Variants in PRELID2 observed in about 807,000 individuals in gnomAD.
PRELID2 encodes PRELI domain containing 2.
A neutral mutation model predicts 28.4 loss-of-function variants in PRELID2; 25 were observed. The ratio of observed to expected loss-of-function variants is 0.88; its 90% confidence interval spans 0.64 to 1.23. PRELID2 has a LOEUF of 1.23. Ranked by LOEUF, PRELID2 falls within the 50% of genes most tolerant of loss-of-function variation. The probability of loss-of-function intolerance (pLI) is 0.00; values close to 1 mark genes in which losing one functional copy is unlikely to be tolerated. For missense variants in PRELID2, 201 were observed against 214.4 expected (o/e 0.94, Z 0.39); for synonymous variants, 76 against 71.6 (o/e 1.06, Z -0.31).
At chr5:145,559,982 T>C (rs931064251) in intron 1 of PRELID2, among the ~76,000 whole-genome samples, 4 of 152,298 alleles carry the variant, frequency 2.6e-5, no homozygotes, top group Admixed American at 6.5e-5. Flanking sequence ...ATTTAATACA[T>C]TTAACCTACC....
At position 145,819,539 on chromosome 5, in the gene PRELID2, T is replaced by C. The variant is rs1358876013; in HGVS notation, c.207+406A>G. 4.2e-5 allele frequency: 26 copies of C among 619,768 alleles called. No individual in the cohort carries two copies. The South Asian group carries it at 4.9e-4, about 12-fold the overall frequency. The allele number at this position is 619,768 out of a possible 1,614,324, so 38.4% of individuals were successfully genotyped here. ...CTTATACTCTGGGAAATAACTGTTA[T>C]CTCTGATAGTGAATTAGAAACTGAA... On this transcript the variant is annotated intron_variant, in intron 3 of 6. Transcript: ENST00000683046.
the PRELID2 span, among the ~76,000 whole-genome samples, chr5:145,401,646 G>A: frequency 2.0e-5 from 3 of 152,076 alleles, no homozygotes; most frequent in East Asian, 5.8e-4. Flanking sequence ...TCCACCTCCT[G>A]CTCAGCCCAT....
chr5:145,800,301 T>C (rs369953756), intron 4 of PRELID2, among the ~76,000 whole-genome samples: 14 of 138,554 alleles, frequency 1.0e-4, no homozygotes, highest in South Asian at 2.5e-4. Flanking sequence ...CCCCTTCTCT[T>C]ACACACACAC....
the PRELID2 span, among the ~76,000 whole-genome samples, chr5:145,312,464 A>C: frequency 2.0e-5 from 3 of 152,216 alleles, no homozygotes; most frequent in African/African-American, 7.2e-5. Flanking sequence ...CTCCTATTGA[A>C]GTGAAACTTT....
At chr5:145,389,914 C>T in the PRELID2 span, among the ~76,000 whole-genome samples, 1 of 152,128 alleles carries the variant, frequency 6.6e-6, no homozygotes, top group African/African-American at 2.4e-5. Flanking sequence ...CCCAAGTAAA[C>T]AATGCTAGTA....
chr5:145,601,218 T>C (rs1753391325), intron 1 of PRELID2, among the ~76,000 whole-genome samples: 1 of 151,798 alleles, frequency 6.6e-6, no homozygotes. Context: ...ATAATGAAAA[T>C]ATAATTGTGA....
chr5:145,447,149 T>C, the PRELID2 span, among the ~76,000 whole-genome samples: 1 of 151,814 alleles, frequency 6.6e-6, no homozygotes, highest in African/African-American at 2.4e-5. Context: ...ACAGTTAATT[T>C]CAGATGCTTG....
the PRELID2 span, among the ~76,000 whole-genome samples, chr5:145,238,549 T>C: frequency 7.2e-4 from 109 of 152,272 alleles, no homozygotes; most frequent in African/African-American, 2.4e-3. Context: ...CTATGCCAGA[T>C]ATGTACTAAG....
At chr5:145,351,139 G>A in the PRELID2 span, among the ~76,000 whole-genome samples, 3 of 152,180 alleles carry the variant, frequency 2.0e-5, no homozygotes, top group African/African-American at 7.2e-5. Context: ...AAATGGCAGA[G>A]ATGGGATTCA....
chr5:145,605,030 G>T (rs1298004939), intron 1 of PRELID2, among the ~76,000 whole-genome samples: 5 of 149,900 alleles, frequency 3.3e-5, no homozygotes, highest in Non-Finnish European at 7.4e-5. Flanking sequence ...TTTGGTTTTT[G>T]CTTGTTAATT....
At chr5:145,732,200 C>T (rs1756366123) in intron 1 of PRELID2, among the ~76,000 whole-genome samples, 1 of 152,140 alleles carries the variant, frequency 6.6e-6, no homozygotes, top group African/African-American at 2.4e-5. Flanking sequence ...ATTTTGCAGT[C>T]CTTTATCTTG....
chr5:145,420,044 T>C, the PRELID2 span, among the ~76,000 whole-genome samples: 2 of 151,992 alleles, frequency 1.3e-5, no homozygotes, highest in Admixed American at 6.6e-5. Context: ...TAGTTGTAGA[T>C]ATGCGGCATT....
rs1265574987 is a variant in PRELID2, at chr5:145,817,220, A to AT, written c.368+673_368+674insA. Among the ~76,000 whole-genome samples, 281 of 66,500 alleles carry AT rather than the reference A, an allele frequency of 4.2e-3. 19 individuals carry two copies. Among genetic ancestry groups the AT allele is most frequent in the Middle Eastern group, 0.013 (1 of 76 alleles). 43.6% of individuals were successfully genotyped at this position (66,500 alleles called of 152,430 possible). A position where few individuals can be genotyped will look rare whatever the true frequency, so the allele number is the denominator to read the frequency against. The stretch of plus-strand genomic sequence containing the variant: ...AAAAATAAATAAATAAATAAAAAAA[A>AT]ATATATATATATATATACTTTAGAT... On this transcript the variant is annotated intron_variant, in intron 4 of 6. Coordinates refer to ENST00000683046, the MANE Select transcript of PRELID2 (RefSeq NM_205846.3).
At chr5:145,801,141 T>C (rs1251743312) in intron 4 of PRELID2, among the ~76,000 whole-genome samples, 1 of 152,196 alleles carries the variant, frequency 6.6e-6, no homozygotes, top group African/African-American at 2.4e-5. Flanking sequence ...CAATATGTAT[T>C]CCTTTGGCCA....
intron 1 of PRELID2, among the ~76,000 whole-genome samples, chr5:145,688,859 C>T (rs1205355316): frequency 6.6e-6 from 1 of 152,170 alleles, no homozygotes; most frequent in African/African-American, 2.4e-5. Flanking sequence ...GATCTTCAGG[C>T]TTCATTGGAA....
chr5:145,391,531 AG>A, the PRELID2 span, among the ~76,000 whole-genome samples: 1 of 152,118 alleles, frequency 6.6e-6, no homozygotes, highest in Non-Finnish European at 1.5e-5. Flanking sequence ...TTTTCCACCT[AG>A]GCTTCCAGTT....
chr5:145,763,901 C>A (rs1245450915), intron 6 of PRELID2, among the ~76,000 whole-genome samples: 22 of 152,088 alleles, frequency 1.4e-4, no homozygotes, highest in Non-Finnish European at 3.1e-4. Flanking sequence ...CATGGTGAAA[C>A]CCCATCTCTA....
chr5:145,229,191 C>G, the PRELID2 span: 1 of 866,798 alleles, frequency 1.2e-6, no homozygotes, highest in Non-Finnish European at 2.0e-6. Context: ...CGATCAGGTC[C>G]AGTTTGAGCT....
At chr5:145,784,358 C>T (rs12109705) in intron 5 of PRELID2, among the ~76,000 whole-genome samples, 4,634 of 152,056 alleles carry the variant, frequency 0.03, 219 homozygotes, top group African/African-American at 0.1. Context: ...GAAGACAAGA[C>T]CTAACAATTT....
Sources: allele counts gnomAD v4.1 joint callset (sites outside exome capture counted in the v4.1 genomes callset), GRCh38; gene constraint gnomAD v4.1.1; transcripts MANE v1.5; gene names NCBI Gene and HGNC (gene_info 2026-07-23, HGNC 2026-07-21).